ERI3: variants seen among roughly 807,000 people sequenced by gnomAD.
ERI3 encodes ERI1 exoribonuclease 3.
Under a neutral mutation model 44.4 loss-of-function variants are expected in ERI3, and 18 were observed. The ratio of observed to expected loss-of-function variants is 0.41; its 90% CI spans 0.28 to 0.60. ERI3 has a LOEUF of 0.60. Ranked by LOEUF, ERI3 falls within the 20% of genes least tolerant of loss-of-function variation. The pLI is 0.36. For synonymous variants in ERI3, 183 were observed against 164.8 expected, an observed-to-expected ratio of 1.11 and a Z score of -0.84; for missense variants, 294 against 435.5, an observed-to-expected ratio of 0.68 and a Z score of 2.89.
intron 8 of ERI3, among the ~76,000 whole-genome samples, chr1:44,223,326 G>A (rs529113164): frequency 1.3e-5 from 2 of 152,268 alleles, no homozygotes; most frequent in South Asian, 4.1e-4. Flanking sequence ...GTGGGTGGAG[G>A]AGGGAGGGGC....
At chr1:44,229,767 T>C (rs1644132949) in intron 8 of ERI3, among the ~76,000 whole-genome samples, 1 of 130 alleles carries the variant, frequency 7.7e-3, no homozygotes. Context: ...AGGGGGTGCA[T>C]ACACCTTTGG....
chr1:44,236,625 G>A (rs1337190390), intron 8 of ERI3, among the ~76,000 whole-genome samples: 1 of 152,094 alleles, frequency 6.6e-6, no homozygotes, highest in Non-Finnish European at 1.5e-5. Context: ...AAAAGAAGGT[G>A]TGGCAGGTTC....
intron 5 of ERI3, among the ~76,000 whole-genome samples, chr1:44,310,973 ACACAC>A (rs1645958134): frequency 9.6e-6 from 1 of 103,640 alleles, no homozygotes; most frequent in East Asian, 3.0e-4. Context: ...GCACACACAC[ACACAC>A]ACACACACAC....
At chr1:44,316,175 T>C (rs1419878300) in intron 4 of ERI3, among the ~76,000 whole-genome samples, 1 of 152,174 alleles carries the variant, frequency 6.6e-6, no homozygotes, top group Non-Finnish European at 1.5e-5. Flanking sequence ...CTTGGGTTAA[T>C]ACATGTTTGT....
intron 6 of ERI3, among the ~76,000 whole-genome samples, chr1:44,304,394 A>C (rs1169162008): frequency 1.3e-5 from 2 of 152,210 alleles, no homozygotes; most frequent in Non-Finnish European, 2.9e-5. Flanking sequence ...AAGGAAGGAA[A>C]TAAGTATTAA....
At chr1:44,305,701 C>A (rs1453750244) in intron 6 of ERI3, among the ~76,000 whole-genome samples, 10 of 152,104 alleles carry the variant, frequency 6.6e-5, no homozygotes, top group Admixed American at 6.5e-4. Flanking sequence ...TTTCTCAGTG[C>A]CCCACTTATC....
intron 8 of ERI3, among the ~76,000 whole-genome samples, chr1:44,231,546 G>A (rs1557768574): frequency 6.6e-6 from 1 of 151,794 alleles, no homozygotes; most frequent in Non-Finnish European, 1.5e-5. Context: ...TTTTTTTTGT[G>A]TGTGTACATA....
At chr1:44,314,780 G>A (rs966061163) in intron 4 of ERI3, among the ~76,000 whole-genome samples, 5 of 152,192 alleles carry the variant, frequency 3.3e-5, no homozygotes, top group Admixed American at 6.5e-5. Context: ...GGGCTGGGCC[G>A]CATTACAGGA....
intron 7 of ERI3, among the ~76,000 whole-genome samples, chr1:44,266,838 G>A (rs1644999319): frequency 6.6e-6 from 1 of 152,222 alleles, no homozygotes; most frequent in African/African-American, 2.4e-5. Flanking sequence ...TGCCCTCAGT[G>A]CCTTACGCAG....
intron 4 of ERI3, among the ~76,000 whole-genome samples, chr1:44,317,297 ATCCC>A (rs1646109628): frequency 2.0e-5 from 3 of 152,190 alleles, no homozygotes; most frequent in African/African-American, 7.2e-5. Context: ...AATGACCTCC[ATCCC>A]CACCCGCAAA....
chr1:44,338,824 G>C (rs888842108), intron 3 of ERI3, among the ~76,000 whole-genome samples: 2 of 152,150 alleles, frequency 1.3e-5, no homozygotes, highest in Non-Finnish European at 2.9e-5. Flanking sequence ...CAAAAGCTGA[G>C]ACTAGAGAGA....
At chr1:44,319,393 G>T (rs1646154193) in intron 4 of ERI3, among the ~76,000 whole-genome samples, 1 of 152,240 alleles carries the variant, frequency 6.6e-6, no homozygotes, top group Non-Finnish European at 1.5e-5. Context: ...CGGTCACCAG[G>T]AAGGGATGCT....
chr1:44,339,025 A>C lies in ERI3; in HGVS notation c.489+20T>G, dbSNP rs1339378037. Reference sequence around the variant, plus strand: ...TCCTTGCCCCCCCCACCTTTTCTAAAGCAATGATGGAACAGTTACCTGAGG... The same window carrying C: ...TCCTTGCCCCCCCCACCTTTTCTAACGCAATGATGGAACAGTTACCTGAGG... On this transcript the variant is annotated intron_variant, in intron 3 of 8. Transcript: ENST00000372257. 6.2e-7 allele frequency: 1 copy of C among 1,603,262 alleles called. No homozygotes were observed. The highest frequency in any genetic ancestry group is 1.7e-5 in the Admixed American group (1 of 59,852).
intron 8 of ERI3, among the ~76,000 whole-genome samples, chr1:44,238,372 C>A (rs112920464): frequency 6.6e-6 from 1 of 152,044 alleles, no homozygotes; most frequent in Admixed American, 6.5e-5. Context: ...ATAATCCCTG[C>A]GGAGAGTAAG....
At chr1:44,314,195 T>G (rs2154328471) in intron 4 of ERI3, among the ~76,000 whole-genome samples, 1 of 152,090 alleles carries the variant, frequency 6.6e-6, no homozygotes, top group Non-Finnish European at 1.5e-5. Context: ...ATAATTACAC[T>G]TAATGAATAC....
intron 8 of ERI3, among the ~76,000 whole-genome samples, chr1:44,223,578 G>A (rs575883576): frequency 3.8e-4 from 58 of 152,186 alleles, no homozygotes; most frequent in South Asian, 1.0e-3. Context: ...ATTACCCAGC[G>A]GCCACACACC....
At chr1:44,339,472 T>C (rs1646607968) in intron 2 of ERI3, 150 bp from the exon 3 acceptor site, 1 of 799,124 alleles carries the variant, frequency 1.3e-6, no homozygotes, top group South Asian at 2.9e-5. Context: ...CTCCCCAGTG[T>C]TTCTGGGCCC....
intron 8 of ERI3, chr1:44,242,192 T>C (rs1644453233): frequency 3.1e-6 from 3 of 953,530 alleles, no homozygotes; most frequent in South Asian, 9.7e-5. Context: ...TAGTGTACAG[T>C]AGTACTGTGC....
chr1:44,269,642 A>G (rs1014111961), intron 7 of ERI3, among the ~76,000 whole-genome samples: 1 of 152,222 alleles, frequency 6.6e-6, no homozygotes, highest in Non-Finnish European at 1.5e-5. Context: ...GCCAATCCCT[A>G]TCCTTGCCCA....
Sources: gnomAD v4.1 joint callset for allele counts (sites outside exome capture counted in the v4.1 genomes callset) on GRCh38, gnomAD v4.1.1 for gene constraint, MANE v1.5 for transcripts, NCBI Gene and HGNC (gene_info 2026-07-23, HGNC 2026-07-21) for gene names.